EIF1AX: variants seen among roughly 807,000 people sequenced by gnomAD.
EIF1AX encodes the protein eukaryotic translation initiation factor 1A, X-chromosomal.
A neutral mutation model predicts 16.1 loss-of-function variants in EIF1AX; 1 was observed. The ratio of observed to expected loss-of-function variants is 0.06; its 90% CI spans 0.02 to 0.30. The LOEUF is 0.30. Ranked by LOEUF, EIF1AX falls within the 10% of genes least tolerant of loss-of-function variation. EIF1AX has a pLI of 1.00. For missense variants in EIF1AX, 11 were observed against 109.1 expected, an observed-to-expected ratio of 0.10 and a Z score of 4.00; for synonymous variants, 32 against 37.3, an observed-to-expected ratio of 0.86 and a Z score of 0.51.
chrX:20,138,000 T>G (rs2067022620), intron 2 of EIF1AX, among the ~76,000 whole-genome samples: 1 of 75,909 alleles, frequency 1.3e-5, no homozygotes, highest in Non-Finnish European at 2.6e-5. Context: ...TACAGTTTTT[T>G]TTTTTTTTTT....
chrX:20,140,590 G>A (rs990606278), intron 1 of EIF1AX: 1 of 112,219 alleles, frequency 8.9e-6, no homozygotes, highest in Non-Finnish European at 1.9e-5. Flanking sequence ...AAGAGGAAAT[G>A]TGGTAGAATC....
chrX:20,129,989 T>C (rs2066996193), intron 6 of EIF1AX, among the ~76,000 whole-genome samples: 1 of 111,117 alleles, frequency 9.0e-6, no homozygotes, highest in South Asian at 3.8e-4. Context: ...GGAAGAGAAA[T>C]TGAAGAGGGT....
intron 1 of EIF1AX, chrX:20,140,528 A>G (rs1407081807): frequency 1.8e-5 from 2 of 112,331 alleles, no homozygotes; most frequent in African/African-American, 6.5e-5. Context: ...ACTTGTGCAC[A>G]GAACACCTCG....
In EIF1AX at chrX:20,129,833, T is replaced by C. The variant is rs186931986; in HGVS notation, c.429+683A>G. ...TCTTTCAACACACTAATATTTCAAT[T>C]AAAAAGGCATGTTCCTTTGATAAGA... On this transcript the variant is annotated intron_variant, in intron 6 of 6. Transcript: ENST00000379607. 3.6e-5 allele frequency among the ~76,000 whole-genome samples: 4 copies of C among 112,458 alleles called. No homozygotes were observed. In the East Asian group the frequency reaches 1.1e-3, roughly 31 times the overall value.
At chrX:20,136,554 A>C (rs1023944167) in intron 2 of EIF1AX, among the ~76,000 whole-genome samples, 1 of 112,577 alleles carries the variant, frequency 8.9e-6, no homozygotes, top group Non-Finnish European at 1.9e-5. Flanking sequence ...CATAATTTTT[A>C]GTTCATTTAG....
rs981871201 is a variant in EIF1AX, at chrX:20,126,505, A to T, written c.*1801T>A. On this transcript the variant is annotated 3_prime_UTR_variant, in exon 7 of 7. Coordinates refer to ENST00000379607, the MANE Select transcript of EIF1AX (RefSeq NM_001412.4). The stretch of plus-strand genomic sequence containing the variant: ...GTTAGAGGAGGTAAGTAGAAAAACT[A>T]ATGTTTGAGCTGTGCTATTCCTACC... The T allele has an allele frequency of 7.3e-6, 1 of 137,727 alleles. No homozygotes were observed. The highest frequency in any genetic ancestry group is 1.4e-5 in the Non-Finnish European group (1 of 69,832). 11.4% of individuals were successfully genotyped at this position (137,727 alleles called of 1,213,427 possible).
intron 1 of EIF1AX, among the ~76,000 whole-genome samples, chrX:20,139,206 T>C (rs919616652): frequency 1.3e-4 from 15 of 111,563 alleles, no homozygotes; most frequent in African/African-American, 3.0e-4. Context: ...CTGGGCAACA[T>C]AGCGAGACAC....
At chrX:20,134,413 T>G (rs1368241197) in intron 3 of EIF1AX, among the ~76,000 whole-genome samples, 1 of 103,795 alleles carries the variant, frequency 9.6e-6, no homozygotes, top group East Asian at 3.1e-4. Flanking sequence ...TAAACTTCTT[T>G]AAAAGAAAAA....
At chrX:20,137,285 A>C (rs1414130721) in intron 2 of EIF1AX, among the ~76,000 whole-genome samples, 1 of 110,388 alleles carries the variant, frequency 9.1e-6, no homozygotes, top group Non-Finnish European at 1.9e-5. Flanking sequence ...CTCTACTAAA[A>C]ATACAAAAAA....
intron 5 of EIF1AX, among the ~76,000 whole-genome samples, chrX:20,131,679 GTT>G (rs758358275): frequency 0.057 from 4,881 of 85,764 alleles, 256 homozygotes; most frequent in African/African-American, 0.16. Context: ...TTGCTTCATG[GTT>G]TTTTTTTTTT....
At chrX:20,129,589 G>A (rs1030284379) in intron 6 of EIF1AX, among the ~76,000 whole-genome samples, 4 of 112,508 alleles carry the variant, frequency 3.6e-5, no homozygotes, top group African/African-American at 1.3e-4. Context: ...CAGCAGAAGT[G>A]CAGTAAAGCA....
chrX:20,130,952 C>A (rs182300897), intron 5 of EIF1AX, among the ~76,000 whole-genome samples: 1 of 112,042 alleles, frequency 8.9e-6, no homozygotes, highest in African/African-American at 3.2e-5. Context: ...AAGATCTGGT[C>A]AAATCATGAT....
At chrX:20,131,342 C>G (rs766437716) in intron 5 of EIF1AX, among the ~76,000 whole-genome samples, 3 of 111,786 alleles carry the variant, frequency 2.7e-5, no homozygotes, top group East Asian at 5.6e-4. Context: ...TAATAAAAAT[C>G]AGTAATGAGG....
At chrX:20,139,056 T>C (rs1373439883) in intron 1 of EIF1AX, among the ~76,000 whole-genome samples, 2 of 111,780 alleles carry the variant, frequency 1.8e-5, no homozygotes, top group African/African-American at 6.5e-5. Context: ...CAGAGAACTG[T>C]GGTTTTCAAA....
rs760945659 is a variant in EIF1AX at position 20,132,740 on chromosome X, T to C, written c.256-477A>G. On this transcript the variant is annotated intron_variant, in intron 4 of 6. Coordinates refer to ENST00000379607, the MANE Select transcript of EIF1AX (RefSeq NM_001412.4). ...ATCACAATCTCCTGTGGAGCTTTTA[T>C]ATCTTCTGAAGACAGATTAGTAGAT... 3.6e-5 allele frequency among the ~76,000 whole-genome samples: 4 copies of C among 112,392 alleles called. No individual in the cohort carries two copies. The South Asian group carries it at 1.5e-3, about 41-fold the overall frequency.
intron 5 of EIF1AX, among the ~76,000 whole-genome samples, chrX:20,131,583 C>G (rs1240464351): frequency 9.1e-6 from 1 of 110,375 alleles, no homozygotes; most frequent in Non-Finnish European, 1.9e-5. Flanking sequence ...CAAGACTGCA[C>G]CACTGCACTC....
At position 20,132,201 on chromosome X, in the gene EIF1AX, G is replaced by A. The variant is rs148556006; in HGVS notation, c.318C>T (p.Tyr106=). ...CATTACCATGCTCTGGAAGCTCGCC[G>A]TATGCCTTCAGACTTCTAGCTTCGT... is the stretch of plus-strand genomic sequence containing the variant. ...NADEARSLKA[Y]GELPEHAKIN... is the part of the protein sequence containing the mutation. The change falls in exon 5 of 7, where the codon TAC becomes TAT. Residue 106 remains tyrosine, a synonymous_variant. Transcript: ENST00000379607. 3.2e-5 allele frequency: 39 copies of A among 1,200,818 alleles called. No homozygotes were observed. Among genetic ancestry groups the A allele is most frequent in the Non-Finnish European group, 4.0e-5 (36 of 890,349 alleles).
chrX:20,137,263 G>A (rs968834883), intron 2 of EIF1AX, among the ~76,000 whole-genome samples: 8 of 110,502 alleles, frequency 7.2e-5, no homozygotes, highest in African/African-American at 2.3e-4. Flanking sequence ...GGCTAACACA[G>A]TGAAACCCCG....
At chrX:20,137,994 GTTTTTTTTTTTTTTT>G (rs72040979) in intron 2 of EIF1AX, among the ~76,000 whole-genome samples, 20 of 36,745 alleles carry the variant, frequency 5.4e-4, no homozygotes, top group African/African-American at 7.2e-4. Flanking sequence ...TCTCTATACA[GTTTTTTTTTTTTTTT>G]TTTTTTTTTT....
Sources: gnomAD v4.1 joint callset for allele counts (sites outside exome capture counted in the v4.1 genomes callset) on GRCh38, gnomAD v4.1.1 for gene constraint, MANE v1.5 for transcripts, NCBI Gene and HGNC (gene_info 2026-07-23, HGNC 2026-07-21) for gene names.